PPP2R2D: variants seen among roughly 807,000 people sequenced by gnomAD.
The protein encoded by PPP2R2D is serine/threonine-protein phosphatase 2A 55 kDa regulatory subunit B delta isoform.
PPP2R2D carries 9 observed loss-of-function variants against 31.1 expected under a neutral mutation model. The ratio of observed to expected loss-of-function variants is 0.29; its 90% CI spans 0.17 to 0.51. The LOEUF is 0.51. PPP2R2D is among the 20% of genes least tolerant of loss of function. The pLI, the probability that PPP2R2D is intolerant of heterozygous loss-of-function variation, is 0.98. For synonymous variants in PPP2R2D, 179 were observed against 172.6 expected (o/e 1.04, Z -0.29); for missense variants, 391 against 465.6 (o/e 0.84, Z 1.48).
chr10:131,940,509 A>G (rs1358305555), intron 4 of PPP2R2D, 73 bp from the exon 5 acceptor site: 3 of 684,920 alleles, frequency 4.4e-6, no homozygotes, highest in African/African-American at 1.8e-5. Context: ...GCTTTCTAAT[A>G]CCAGTACTCA....
At chr10:131,953,265 C>T (rs1168039559) in intron 8 of PPP2R2D, among the ~76,000 whole-genome samples, 2 of 104,038 alleles carry the variant, frequency 1.9e-5, no homozygotes, top group African/African-American at 3.9e-5. Flanking sequence ...GGGTCCCTGT[C>T]TTAGCAGTGA....
chr10:131,924,534 C>A (rs1554894654), intron 2 of PPP2R2D, among the ~76,000 whole-genome samples: 1 of 152,092 alleles, frequency 6.6e-6, no homozygotes, highest in Non-Finnish European at 1.5e-5. Flanking sequence ...ATATGTCTGT[C>A]CTCATGCCAA....
In PPP2R2D at chr10:131,934,540, T is replaced by A; in HGVS notation, c.183T>A (p.Phe61Leu). 1 of 779,940 alleles carries A rather than the reference T, an allele frequency of 1.3e-6. No homozygotes were observed. The highest frequency in any genetic ancestry group is 2.4e-6 in the Non-Finnish European group (1 of 417,760). 48.3% of individuals were successfully genotyped at this position (779,940 alleles called of 1,614,324 possible). ...TGDKGGRVVI[F>L]QREQENKSRP... ...ACAAGGGCGGCAGAGTTGTTATTTT[T>A]CAGCGTGAACAAGAGGTCAGTAATT... Residue 61 changes from phenylalanine to leucine, a missense_variant, in exon 3 of 9, where the codon TTT becomes TTA. Physicochemically the swap from Phe to Leu is conservative, Grantham distance 22. Coordinates refer to ENST00000455566, the MANE Select transcript of PPP2R2D (RefSeq NM_018461.5).
rs143528174 is a variant in PPP2R2D at position 131,949,029 on chromosome 10, G to A, written c.1082+1238G>A. On this transcript the variant is annotated intron_variant, in intron 8 of 8. Transcript: ENST00000455566. The stretch of plus-strand genomic sequence containing the variant: ...GATCTGTAAAATCTCACACTGTGGA[G>A]CTCCTGCCTCCACGAGGGCTGTGTG... Among the ~76,000 whole-genome samples, 275 of 152,324 alleles carry A rather than the reference G, an allele frequency of 1.8e-3. 2 individuals are homozygous for A. Among genetic ancestry groups the A allele is most frequent in the African/African-American group, 6.2e-3 (258 of 41,574 alleles).
downstream of PPP2R2D, among the ~76,000 whole-genome samples, chr10:131,964,138 C>A (rs2036952506): frequency 6.6e-6 from 1 of 152,206 alleles, no homozygotes; most frequent in African/African-American, 2.4e-5. Context: ...CGGAAGAGAT[C>A]TGGCCTCCTC....
At chr10:131,913,171 C>T (rs1325905436) in intron 2 of PPP2R2D, among the ~76,000 whole-genome samples, 2 of 150,032 alleles carry the variant, frequency 1.3e-5, no homozygotes, top group Non-Finnish European at 3.0e-5. Context: ...AGGGATGCCA[C>T]CATGCCCGGC....
intron 2 of PPP2R2D, among the ~76,000 whole-genome samples, chr10:131,923,445 C>T (rs1554894511): frequency 6.6e-6 from 1 of 152,180 alleles, no homozygotes; most frequent in Non-Finnish European, 1.5e-5. Context: ...CATGTGTTTT[C>T]TGTGCTCTTG....
chr10:131,962,259 G>A (rs552015942), downstream of PPP2R2D, among the ~76,000 whole-genome samples: 5 of 152,308 alleles, frequency 3.3e-5, no homozygotes, highest in African/African-American at 9.6e-5. Context: ...ACCGCGTTTC[G>A]TGAAGTCATC....
chr10:131,907,576 T>TA (rs1370056749), intron 2 of PPP2R2D, among the ~76,000 whole-genome samples: 343 of 151,612 alleles, frequency 2.3e-3, no homozygotes, highest in African/African-American at 8.0e-3. Flanking sequence ...CCGTCTCTAC[T>TA]AAAAAAAATA....
At chr10:131,940,542 G>A (rs1554897079) in intron 4 of PPP2R2D, 40 bp from the exon 5 acceptor site, 2 of 716,010 alleles carry the variant, frequency 2.8e-6, no homozygotes, top group African/African-American at 1.8e-5. Context: ...GCATGTTATA[G>A]TTTTTCTTTT....
At position 131,947,076 on chromosome 10, in the gene PPP2R2D, A is replaced by G. The variant is rs1554898065; in HGVS notation, c.821-454A>G. Among the ~76,000 whole-genome samples, 1 of 152,212 alleles carries G rather than the reference A, an allele frequency of 6.6e-6. No homozygotes were observed. The highest frequency in any genetic ancestry group is 1.9e-4 in the East Asian group (1 of 5,204). On this transcript the variant is annotated intron_variant, in intron 7 of 8. Coordinates refer to ENST00000455566, the MANE Select transcript of PPP2R2D (RefSeq NM_018461.5). The surrounding 1 kb of genome is among the most constrained non-coding windows in gnomAD (Gnocchi z 4.3). ...CACAGACCGCTGTGTCTGCATGACC[A>G]TATAATGCTGTTTGTGTCTTCCTGT... is the stretch of plus-strand genomic sequence containing the variant.
chr10:131,971,166 A>C, the PPP2R2D span: 1 of 588,300 alleles, frequency 1.7e-6, no homozygotes, highest in East Asian at 2.9e-5. Flanking sequence ...CCCGGCTCAC[A>C]GCACGCTCGC....
chr10:131,923,202 C>T (rs1554894463), intron 2 of PPP2R2D, among the ~76,000 whole-genome samples: 2 of 152,218 alleles, frequency 1.3e-5, no homozygotes, highest in African/African-American at 4.8e-5. Flanking sequence ...TGTGGATTTG[C>T]CTGTTCACGT....
intron 2 of PPP2R2D, among the ~76,000 whole-genome samples, chr10:131,901,777 G>A (rs897892643): frequency 6.6e-6 from 1 of 152,122 alleles, no homozygotes; most frequent in African/African-American, 2.4e-5. Context: ...GGGCTGGGTC[G>A]GGGCCTCGGC....
At chr10:131,967,047 A>G in the PPP2R2D span, 43 of 151,924 alleles carry the variant, frequency 2.8e-4, no homozygotes, top group Admixed American at 2.8e-3. Context: ...CGCCCAGCTA[A>G]TTTTTGCATT....
chr10:131,964,821 C>T (rs577863982), downstream of PPP2R2D, among the ~76,000 whole-genome samples: 1 of 152,052 alleles, frequency 6.6e-6, no homozygotes, highest in African/African-American at 2.4e-5. Flanking sequence ...TGGGATTCCC[C>T]CCCAAAACAG....
rs2036513780 is a variant in PPP2R2D, at chr10:131,945,241, G to A, written c.656-54G>A. 3.2e-6 allele frequency: 5 copies of A among 1,568,822 alleles called. No homozygotes were observed. Among genetic ancestry groups the A allele is most frequent in the Non-Finnish European group, 4.3e-6 (5 of 1,152,266 alleles). The stretch of plus-strand genomic sequence containing the variant: ...GTCCTATTTCGCGTGACTGAATGTA[G>A]ACTAATTAACAACCAGCTGAGCTGA... On this transcript the variant is annotated intron_variant, in intron 6 of 8. Transcript: ENST00000455566. The surrounding 1 kb of genome is among the most constrained non-coding windows in gnomAD (Gnocchi z 4.8).
chr10:131,919,666 G>A (rs1358250172), intron 2 of PPP2R2D, among the ~76,000 whole-genome samples: 2 of 132,670 alleles, frequency 1.5e-5, no homozygotes, highest in East Asian at 5.7e-4. Flanking sequence ...CACAGTGTAG[G>A]GACCTCACGC....
At chr10:131,962,837 A>G (rs2036942211), downstream of PPP2R2D, among the ~76,000 whole-genome samples, 1 of 152,210 alleles carries the variant, frequency 6.6e-6, no homozygotes, top group Non-Finnish European at 1.5e-5. Context: ...AGGTCCAGAT[A>G]GAGCTCCGTC....
Sources: gnomAD v4.1 joint callset for allele counts (sites outside exome capture counted in the v4.1 genomes callset) on GRCh38, gnomAD v4.1.1 for gene constraint, Gnocchi (gnomAD v3.1) non-coding constraint, MANE v1.5 for transcripts, NCBI Gene and HGNC (gene_info 2026-07-23, HGNC 2026-07-21) for gene names.